Variants in WNT7A observed in about 807,000 individuals in gnomAD.
WNT7A encodes Wnt family member 7A.
A neutral mutation model predicts 28.2 loss-of-function variants in WNT7A; 16 were observed. The ratio of observed to expected loss-of-function variants is 0.57; its 90% CI spans 0.38 to 0.86. WNT7A has a LOEUF of 0.86. Among genes scored for constraint, WNT7A ranks in the 40% least tolerant of loss-of-function variants. The pLI is 0.00. For missense variants in WNT7A, 411 were observed against 489.7 expected, an observed-to-expected ratio of 0.84 and a Z score of 1.52; for synonymous variants, 190 against 195.9, an observed-to-expected ratio of 0.97 and a Z score of 0.25.
At chr3:13,844,575 C>T (rs748931513) in intron 3 of WNT7A, among the ~76,000 whole-genome samples, 6 of 152,216 alleles carry the variant, frequency 3.9e-5, no homozygotes, top group East Asian at 1.9e-4. Context: ...CCAAGGATGT[C>T]GGGCCAATCA....
chr3:13,856,938 GAAGAAGAAGAA>G (rs1694748925), intron 2 of WNT7A, among the ~76,000 whole-genome samples: 1 of 120,210 alleles, frequency 8.3e-6, no homozygotes, highest in African/African-American at 4.1e-5. Flanking sequence ...AGAAGAAGAA[GAAGAAGAAGAA>G]GAAGAAGAAG....
At chr3:13,840,937 A>G (rs1252351429) in intron 3 of WNT7A, among the ~76,000 whole-genome samples, 1 of 152,136 alleles carries the variant, frequency 6.6e-6, no homozygotes, top group African/African-American at 2.4e-5. Flanking sequence ...ACACTCCTCT[A>G]CCAAATCCAG....
chr3:13,862,534 G>A lies in WNT7A; in HGVS notation c.299-7731C>T, dbSNP rs1694847145. On this transcript the variant is annotated intron_variant, in intron 2 of 3. Transcript: ENST00000285018. ...TTTGGAAAATATACAGATGGAAAAA[G>A]GTTGCGCTTGCCAGCCCCGTGGCAT... is the stretch of plus-strand genomic sequence containing the variant. 2.6e-5 allele frequency among the ~76,000 whole-genome samples: 4 copies of A among 152,372 alleles called. No homozygotes were observed. In the South Asian group the frequency reaches 6.2e-4, roughly 24 times the overall value.
At chr3:13,834,618 C>T (rs1250676716) in intron 3 of WNT7A, among the ~76,000 whole-genome samples, 8 of 152,168 alleles carry the variant, frequency 5.3e-5, no homozygotes, top group Admixed American at 5.2e-4. Context: ...CCCAGGCATG[C>T]TCCTGCCTCT....
intron 2 of WNT7A, 105 bp downstream of exon 2, chr3:13,874,842 A>T (rs1211559168): frequency 8.6e-6 from 10 of 1,165,018 alleles, no homozygotes; most frequent in Non-Finnish European, 1.3e-5. Context: ...ATACTGAGGG[A>T]TATTCTAGCA....
At chr3:13,841,787 T>A (rs868415707) in intron 3 of WNT7A, among the ~76,000 whole-genome samples, 2 of 152,226 alleles carry the variant, frequency 1.3e-5, no homozygotes, top group Middle Eastern at 3.4e-3. Context: ...ACCAATATTA[T>A]ATCAGGTGGC....
chr3:13,854,896 A>G (rs1694705514), intron 2 of WNT7A, 93 bp from the exon 3 acceptor site: 3 of 1,535,932 alleles, frequency 2.0e-6, no homozygotes, highest in East Asian at 2.3e-5. Context: ...GCTGAGCTCA[A>G]TGCAATGGCT....
chr3:13,843,342 A>G (rs1466282350), intron 3 of WNT7A, among the ~76,000 whole-genome samples: 4 of 152,048 alleles, frequency 2.6e-5, no homozygotes, highest in Non-Finnish European at 5.9e-5. Flanking sequence ...GCATTATCTC[A>G]TGCAATCTGC....
chr3:13,875,096 GC>G lies in WNT7A; in HGVS notation c.148del (p.Ala50ArgfsTer13), dbSNP rs1559309469. ...GGCGTCGGGCCGGCTCTGGCAGATC[GC>G]CCGCTGTCTGGGAGCCAGGCCTGGG... The part of the protein sequence containing the change: ...KIPGLAPRQR[A>X]ICQSRPDAII... On this transcript the variant is annotated frameshift_variant, in exon 2 of 4. Coordinates refer to ENST00000285018, the MANE Select transcript of WNT7A (RefSeq NM_004625.4). LOFTEE classifies it high-confidence loss of function. The G allele has an allele frequency of 6.2e-7, 1 of 1,614,176 alleles. No individual in the cohort carries two copies. Among genetic ancestry groups the G allele is most frequent in the African/African-American group, 1.3e-5 (1 of 75,040 alleles).
At chr3:13,822,833 C>G (rs953574938) in intron 3 of WNT7A, among the ~76,000 whole-genome samples, 1 of 152,200 alleles carries the variant, frequency 6.6e-6, no homozygotes, top group Non-Finnish European at 1.5e-5. Flanking sequence ...ATACTGAGGG[C>G]TACTACCGTG....
intron 3 of WNT7A, among the ~76,000 whole-genome samples, chr3:13,824,548 T>C (rs1694163540): frequency 6.6e-6 from 1 of 152,178 alleles, no homozygotes; most frequent in Non-Finnish European, 1.5e-5. Flanking sequence ...AATTCCCCAG[T>C]CTGAATGTGC....
chr3:13,851,698 GA>G (rs1694640498), intron 3 of WNT7A, among the ~76,000 whole-genome samples: 1 of 152,148 alleles, frequency 6.6e-6, no homozygotes, highest in African/African-American at 2.4e-5. Context: ...CAAAAGGCTG[GA>G]AAGAAATTAT....
intron 2 of WNT7A, among the ~76,000 whole-genome samples, chr3:13,869,220 AAAG>A (rs1164362320): frequency 2.9e-5 from 4 of 137,656 alleles, no homozygotes; most frequent in Non-Finnish European, 6.3e-5. Context: ...GAGAGAAAGA[AAAG>A]AGAGAGAGAG....
At chr3:13,848,039 A>G (rs1694568858) in intron 3 of WNT7A, among the ~76,000 whole-genome samples, 1 of 151,100 alleles carries the variant, frequency 6.6e-6, no homozygotes, top group African/African-American at 2.5e-5. Context: ...AGAAATTTTC[A>G]TTGATTTTTT....
chr3:13,848,217 T>G (rs1209360345), intron 3 of WNT7A, among the ~76,000 whole-genome samples: 1 of 152,184 alleles, frequency 6.6e-6, no homozygotes, highest in Non-Finnish European at 1.5e-5. Context: ...ACATTGGACC[T>G]TATCAGTTAA....
chr3:13,836,499 T>G (rs1038435725), intron 3 of WNT7A, among the ~76,000 whole-genome samples: 17 of 152,344 alleles, frequency 1.1e-4, no homozygotes, highest in Middle Eastern at 3.4e-3. Flanking sequence ...TTTAAAAAGC[T>G]TCTCAGGATT....
intron 3 of WNT7A, among the ~76,000 whole-genome samples, chr3:13,835,994 AGAG>A (rs1269203629): frequency 6.6e-6 from 1 of 152,146 alleles, no homozygotes; most frequent in Non-Finnish European, 1.5e-5. Flanking sequence ...GACAGAGAGC[AGAG>A]GAGTTGCTGC....
chr3:13,864,621 C>A (rs983835157), intron 2 of WNT7A, among the ~76,000 whole-genome samples: 1 of 152,196 alleles, frequency 6.6e-6, no homozygotes, highest in Middle Eastern at 3.2e-3. Flanking sequence ...TGCACCCCAG[C>A]ATTTACTGCA....
chr3:13,816,809 T>TCACC lies in WNT7A; in HGVS notation c.*2131_*2134dup, dbSNP rs1694011842. 6.6e-6 allele frequency: 1 copy of TCACC among 152,152 alleles called. No homozygotes were observed. The highest frequency in any genetic ancestry group is 2.4e-5 in the African/African-American group (1 of 41,356). The allele number at this position is 152,152 out of a possible 1,614,324, so 9.4% of individuals were successfully genotyped here. On this transcript the variant is annotated 3_prime_UTR_variant, in exon 4 of 4. Coordinates refer to ENST00000285018, the MANE Select transcript of WNT7A (RefSeq NM_004625.4). ...TCTACCCATCCATCCATTTATCCAT[T>TCACC]CACCCACCCACCTACTTATCCATCC...
Sources: gnomAD v4.1 joint callset for allele counts (sites outside exome capture counted in the v4.1 genomes callset) on GRCh38, gnomAD v4.1.1 for gene constraint, MANE v1.5 for transcripts, NCBI Gene and HGNC (gene_info 2026-07-23, HGNC 2026-07-21) for gene names.